Variants in VAV2 observed in about 807,000 individuals in gnomAD.
The protein encoded by VAV2 is guanine nucleotide exchange factor VAV2.
A neutral mutation model predicts 132.5 loss-of-function variants in VAV2; 67 were observed. The observed-to-expected ratio is 0.51, with a 90% confidence interval of 0.42 to 0.62. VAV2 has a LOEUF of 0.62. VAV2 is among the 20% of genes least tolerant of loss of function. VAV2 has a pLI of 0.00. For synonymous variants in VAV2, 492 were observed against 443.5 expected (o/e 1.11, Z -1.37); for missense variants, 938 against 1,153.6 (o/e 0.81, Z 2.71).
intron 29 of VAV2, among the ~76,000 whole-genome samples, chr9:133,767,688 C>T (rs761752605): frequency 3.9e-5 from 6 of 152,192 alleles, no homozygotes; most frequent in Non-Finnish European, 5.9e-5. Context: ...GGCAGAGCTG[C>T]TCCGGCCACT....
chr9:133,770,288 G>T (rs1335371681), intron 27 of VAV2, 90 bp downstream of exon 27: 4 of 1,579,838 alleles, frequency 2.5e-6, no homozygotes, highest in Non-Finnish European at 2.6e-6. Flanking sequence ...CCTGGTCTGG[G>T]TCTGTGAGGG....
Position 133,867,396 on chromosome 9 carries a change from C to T in VAV2, c.322-5964G>A, listed in dbSNP as rs148482861. Among the ~76,000 whole-genome samples, 1,065 of 152,332 alleles carry T rather than the reference C, an allele frequency of 7.0e-3. 5 individuals are homozygous for T. Among genetic ancestry groups the T allele is most frequent in the Non-Finnish European group, 0.011 (726 of 68,014 alleles). ...CTTGAGCCAGTGAAGCCACTGAGTG[C>T]CCCCATGGTGGGGCCGCCTGGGGCC... On this transcript the variant is annotated intron_variant, in intron 2 of 29. Coordinates refer to ENST00000371850, the MANE Select transcript of VAV2 (RefSeq NM_001134398.2).
chr9:133,796,532 G>A lies in VAV2; in HGVS notation c.937-8C>T, dbSNP rs368994708. ...GACCTTCAGTGTGCACTCCTGGGAG[G>A]GCGACAGGGCGATGGGAGAGCCCTC... On this transcript the variant is annotated splice_polypyrimidine_tract_variant and splice_region_variant and intron_variant, in intron 10 of 29. Transcript: ENST00000371850. 9.9e-6 allele frequency: 16 copies of A among 1,611,242 alleles called. No individual in the cohort carries two copies. In the African/African-American group the frequency reaches 1.5e-4, roughly 15 times the overall value.
intron 1 of VAV2, among the ~76,000 whole-genome samples, chr9:133,962,959 C>A (rs961109230): frequency 6.6e-6 from 1 of 152,172 alleles, no homozygotes; most frequent in East Asian, 1.9e-4. Flanking sequence ...TTTTGCAAAT[C>A]TCAATTTCGC....
In VAV2 at chr9:133,875,928, C is replaced by G. The variant is rs375632101; in HGVS notation, c.322-14496G>C. ...CGTGCCCTCGGGCCTCACCCAACTG[C>G]GGGGGCCCAAACAGGTCATGATGGC... On this transcript the variant is annotated intron_variant, in intron 2 of 29. Transcript: ENST00000371850. Among the ~76,000 whole-genome samples, 6 of 152,334 alleles carry G rather than the reference C, an allele frequency of 3.9e-5. No individual in the cohort carries two copies. The South Asian group carries it at 6.2e-4, about 16-fold the overall frequency.
intron 2 of VAV2, among the ~76,000 whole-genome samples, chr9:133,864,075 G>A (rs573887370): frequency 3.3e-5 from 5 of 152,214 alleles, no homozygotes; most frequent in East Asian, 3.9e-4. Context: ...AGCCCCAGCC[G>A]ACTCTTCCGA....
chr9:133,799,237 G>A (rs1200267967), intron 9 of VAV2, among the ~76,000 whole-genome samples: 1 of 152,198 alleles, frequency 6.6e-6, no homozygotes, highest in East Asian at 1.9e-4. Context: ...CAGGCACAGG[G>A]ACGGGCATCT....
At chr9:133,786,545 G>A (rs1022269908) in intron 16 of VAV2, among the ~76,000 whole-genome samples, 34 of 152,178 alleles carry the variant, frequency 2.2e-4, no homozygotes, top group South Asian at 2.1e-4. Flanking sequence ...GCCCCTCCAC[G>A]AGGCCTGACC....
intron 2 of VAV2, among the ~76,000 whole-genome samples, chr9:133,937,212 A>C (rs1342609087): frequency 1.3e-5 from 2 of 151,676 alleles, no homozygotes; most frequent in Non-Finnish European, 2.9e-5. Flanking sequence ...GTGTGTGTGA[A>C]TGTGTGTGAT....
chr9:133,834,183 G>T lies in VAV2; in HGVS notation c.449+89C>A. Reference sequence around the variant, plus strand: ...GGCCAGCTCTGCCTGCACTGTGGCCGCCATGTTTCCTCCTGACTCCCTGGA... The same window carrying T: ...GGCCAGCTCTGCCTGCACTGTGGCCTCCATGTTTCCTCCTGACTCCCTGGA... On this transcript the variant is annotated intron_variant, in intron 4 of 29. Coordinates refer to ENST00000371850, the MANE Select transcript of VAV2 (RefSeq NM_001134398.2). This position sits in a 1 kb window ranked among gnomAD's most constrained non-coding sequence, Gnocchi z 5.9. 1 of 1,448,334 alleles carries T rather than the reference G, an allele frequency of 6.9e-7. No individual in the cohort carries two copies. The allele number at this position is 1,448,334 out of a possible 1,614,324, so 89.7% of individuals were successfully genotyped here. A position where few individuals can be genotyped will look rare whatever the true frequency, so the allele number is the denominator to read the frequency against.
intron 25 of VAV2, among the ~76,000 whole-genome samples, 154 bp downstream of exon 25, chr9:133,774,781 C>T (rs1470048230): frequency 6.6e-6 from 1 of 152,216 alleles, no homozygotes; most frequent in Non-Finnish European, 1.5e-5. Context: ...CCCCTGACCC[C>T]TCAGCACCGC....
At chr9:133,781,595 G>A (rs1834009105) in intron 19 of VAV2, among the ~76,000 whole-genome samples, 1 of 152,202 alleles carries the variant, frequency 6.6e-6, no homozygotes, top group Non-Finnish European at 1.5e-5. Flanking sequence ...CGGCCCCCAT[G>A]GGCAGCAAAC....
chr9:133,825,942 T>C (rs559548774), intron 4 of VAV2, among the ~76,000 whole-genome samples: 1 of 152,350 alleles, frequency 6.6e-6, no homozygotes, highest in Admixed American at 6.5e-5. Flanking sequence ...GATGCTAACA[T>C]GACACATTTA....
chr9:133,847,393 C>T (rs1047105261), intron 3 of VAV2, among the ~76,000 whole-genome samples: 10 of 152,220 alleles, frequency 6.6e-5, no homozygotes, highest in African/African-American at 1.9e-4. Context: ...GCTGAAACCT[C>T]GGTGCTGGAC....
At chr9:133,801,521 G>A (rs1451770788) in intron 9 of VAV2, among the ~76,000 whole-genome samples, 2 of 152,162 alleles carry the variant, frequency 1.3e-5, no homozygotes, top group Non-Finnish European at 2.9e-5. Context: ...AGGGGCCCGC[G>A]CCCTCTCTCA....
At chr9:133,875,009 G>A (rs571405090) in intron 2 of VAV2, among the ~76,000 whole-genome samples, 52 of 152,276 alleles carry the variant, frequency 3.4e-4, no homozygotes, top group African/African-American at 1.1e-3. Context: ...ATAGCCAGTC[G>A]GGGCAGAGCA....
chr9:133,956,732 G>T (rs1303404594), intron 1 of VAV2, among the ~76,000 whole-genome samples: 1 of 152,208 alleles, frequency 6.6e-6, no homozygotes, highest in African/African-American at 2.4e-5. Context: ...ATTCCCTGCT[G>T]CCAGGCCAAC....
chr9:133,822,719 C>T (rs1300143112), intron 4 of VAV2, among the ~76,000 whole-genome samples: 3 of 152,224 alleles, frequency 2.0e-5, no homozygotes, highest in African/African-American at 7.2e-5. Context: ...CGGACTGTCC[C>T]TCCTGGCCGT....
At chr9:133,873,525 C>T (rs1404418363) in intron 2 of VAV2, among the ~76,000 whole-genome samples, 1 of 152,232 alleles carries the variant, frequency 6.6e-6, no homozygotes, top group Non-Finnish European at 1.5e-5. Context: ...GCAATCAGCA[C>T]CCAAGACAGG....
Sources: gnomAD v4.1 joint callset for allele counts (sites outside exome capture counted in the v4.1 genomes callset) on GRCh38, gnomAD v4.1.1 for gene constraint, Gnocchi (gnomAD v3.1) non-coding constraint, MANE v1.5 for transcripts, NCBI Gene and HGNC (gene_info 2026-07-23, HGNC 2026-07-21) for gene names.